The following CORO2B variants were observed in gnomAD, a reference collection of about 807,000 sequenced individuals.
CORO2B encodes the protein coronin-2B.
Under a neutral mutation model 58.8 loss-of-function variants are expected in CORO2B, and 26 were observed. The observed-to-expected ratio is 0.44, with a 90% CI of 0.32 to 0.61. The LOEUF is 0.61. CORO2B is among the 20% of genes least tolerant of loss of function. The pLI is 0.04. For synonymous variants in CORO2B, 242 were observed against 253.8 expected (o/e 0.95, Z 0.44); for missense variants, 460 against 645.1 (o/e 0.71, Z 3.11).
rs1892897642 is a variant in CORO2B, at chr15:68,710,818, G to GAGT, written c.420_421insAGT (p.Val140_Gly141insSer). On this transcript the variant is annotated inframe_insertion, in exon 4 of 12. Transcript: ENST00000261861. This position sits in a 1 kb window ranked among gnomAD's most constrained non-coding sequence, Gnocchi z 4.1. ...AGCTGCACGGGCACAGCCGGCGTGTGGGGCTGGTCGAGTGGCACCCCACCA... is the reference window on the plus strand; with the variant it reads ...AGCTGCACGGGCACAGCCGGCGTGTGAGTGGGCTGGTCGAGTGGCACCCCACCA... 3 of 1,611,700 alleles carry GAGT rather than the reference G, an allele frequency of 1.9e-6. No homozygotes were observed. The highest frequency in any genetic ancestry group is 3.4e-5 in the Admixed American group (2 of 59,686).
At chr15:68,639,427 G>A (rs1901136680) in intron 1 of CORO2B, among the ~76,000 whole-genome samples, 1 of 152,212 alleles carries the variant, frequency 6.6e-6, no homozygotes. Flanking sequence ...ACCCTAAAAG[G>A]AGGTGGCTAT....
chr15:68,565,387 A>T, the CORO2B span, among the ~76,000 whole-genome samples: 1 of 150,810 alleles, frequency 6.6e-6, no homozygotes, highest in Admixed American at 6.6e-5. Context: ...TCAAGTGCAT[A>T]TATATATATA....
At chr15:68,698,136 A>C (rs1282444268) in intron 3 of CORO2B, among the ~76,000 whole-genome samples, 1 of 152,200 alleles carries the variant, frequency 6.6e-6, no homozygotes, top group African/African-American at 2.4e-5. Flanking sequence ...GAGGGTTGGT[A>C]GGTAGGTCAC....
At chr15:68,696,613 C>T (rs1892519538) in intron 3 of CORO2B, among the ~76,000 whole-genome samples, 1 of 151,286 alleles carries the variant, frequency 6.6e-6, no homozygotes, top group African/African-American at 2.4e-5. Flanking sequence ...GTGTTCTGGC[C>T]ACTCCTTCCT....
intron 2 of CORO2B, among the ~76,000 whole-genome samples, chr15:68,681,105 C>G (rs148326471): frequency 2.0e-5 from 3 of 149,844 alleles, no homozygotes; most frequent in African/African-American, 7.3e-5. Context: ...CCCAGCTACT[C>G]GCGAACCTGA....
chr15:68,693,130 T>C lies in CORO2B; in HGVS notation c.217-2010T>C, dbSNP rs74020277. Among the ~76,000 whole-genome samples, 1,336 of 152,328 alleles carry C rather than the reference T, an allele frequency of 8.8e-3. 22 individuals are homozygous for C. Among genetic ancestry groups the C allele is most frequent in the African/African-American group, 0.031 (1,280 of 41,558 alleles). ...CCTGGGTCCAGCCTCTGAGGCTTTTTTCCCCCTCTCTTTCTCTGCCTCATT... is the reference window on the plus strand; with the variant it reads ...CCTGGGTCCAGCCTCTGAGGCTTTTCTCCCCCTCTCTTTCTCTGCCTCATT... On this transcript the variant is annotated intron_variant, in intron 2 of 11. Coordinates refer to ENST00000261861, the MANE Select transcript of CORO2B (RefSeq NM_006091.5).
the CORO2B span, among the ~76,000 whole-genome samples, chr15:68,560,952 A>G: frequency 2.6e-5 from 4 of 152,046 alleles, no homozygotes; most frequent in Non-Finnish European, 5.9e-5. Context: ...AGCCCGGGTA[A>G]TTTTCCCTAG....
At chr15:68,658,936 C>T (rs8026194) in intron 2 of CORO2B, among the ~76,000 whole-genome samples, 82,728 of 152,188 alleles carry the variant, frequency 0.54, 22,734 homozygotes, top group Middle Eastern at 0.65. Context: ...CTCTCCTACA[C>T]GCCTTTGCCC....
At chr15:68,538,838 G>T in the CORO2B span, among the ~76,000 whole-genome samples, 1 of 152,150 alleles carries the variant, frequency 6.6e-6, no homozygotes, top group African/African-American at 2.4e-5. Context: ...GTAGCCTGTA[G>T]GTTCTCATGG....
At chr15:68,681,401 GC>G (rs5813506) in intron 2 of CORO2B, among the ~76,000 whole-genome samples, 27,188 of 151,876 alleles carry the variant, frequency 0.18, 3,010 homozygotes, top group Non-Finnish European at 0.24. Flanking sequence ...CCAGTGAGGA[GC>G]CCCCTGATTT....
intron 2 of CORO2B, among the ~76,000 whole-genome samples, chr15:68,662,381 T>C (rs1902045272): frequency 6.6e-6 from 1 of 152,260 alleles, no homozygotes; most frequent in Non-Finnish European, 1.5e-5. Context: ...GTGCAGGGTT[T>C]TCATGCCTGC....
At chr15:68,601,294 C>T (rs1460633740) in intron 1 of CORO2B, among the ~76,000 whole-genome samples, 1 of 152,304 alleles carries the variant, frequency 6.6e-6, no homozygotes, top group Non-Finnish European at 1.5e-5. Context: ...GGCTCCAGGG[C>T]GGCAGGCGGG....
At chr15:68,650,356 TAAAAAAAA>T (rs532431600) in intron 2 of CORO2B, among the ~76,000 whole-genome samples, 1 of 86,080 alleles carries the variant, frequency 1.2e-5, no homozygotes, top group African/African-American at 4.4e-5. Flanking sequence ...AAACTCTGTC[TAAAAAAAA>T]AAAAAAAAAA....
chr15:68,708,988 TC>T (rs1892848690), intron 3 of CORO2B, among the ~76,000 whole-genome samples: 1 of 152,248 alleles, frequency 6.6e-6, no homozygotes, highest in Non-Finnish European at 1.5e-5. Flanking sequence ...GACTTGACTT[TC>T]TTTAACATGC....
Position 68,719,393 on chromosome 15 carries a change from G to T in CORO2B, c.1172-20G>T, listed in dbSNP as rs764354183. The T allele has an allele frequency of 6.2e-7, 1 of 1,612,358 alleles. No individual in the cohort carries two copies. Among genetic ancestry groups the T allele is most frequent in the South Asian group, 1.1e-5 (1 of 90,858 alleles). On this transcript the variant is annotated intron_variant, in intron 10 of 11. Transcript: ENST00000261861. ...AGTCCATGGGATCGTCAGTGAGAGC[G>T]TTTCCCTTGCCTTCTTTAGATCCCG...
intron 1 of CORO2B, among the ~76,000 whole-genome samples, chr15:68,628,725 C>T (rs1900748413): frequency 6.6e-6 from 1 of 152,200 alleles, no homozygotes; most frequent in Non-Finnish European, 1.5e-5. Flanking sequence ...GATCCACTTG[C>T]TCATGACAGA....
intron 3 of CORO2B, among the ~76,000 whole-genome samples, chr15:68,703,522 T>C (rs1488370309): frequency 1.3e-5 from 2 of 152,158 alleles, no homozygotes; most frequent in African/African-American, 2.4e-5. Flanking sequence ...TTTTTTGAAG[T>C]AGCTACTAAG....
chr15:68,651,317 T>C (rs1444328543), intron 2 of CORO2B, among the ~76,000 whole-genome samples: 2 of 152,200 alleles, frequency 1.3e-5, no homozygotes, highest in Non-Finnish European at 2.9e-5. Flanking sequence ...TCTAGGTTGG[T>C]GCAGGGGGTG....
At chr15:68,536,623 A>C in the CORO2B span, among the ~76,000 whole-genome samples, 1 of 152,222 alleles carries the variant, frequency 6.6e-6, no homozygotes, top group East Asian at 1.9e-4. Flanking sequence ...AAGACCACTG[A>C]TAGTGTTTTA....
Sources: allele counts gnomAD v4.1 joint callset (sites outside exome capture counted in the v4.1 genomes callset), GRCh38; gene constraint gnomAD v4.1.1; non-coding constraint Gnocchi (gnomAD v3.1); transcripts MANE v1.5; gene names NCBI Gene and HGNC (gene_info 2026-07-23, HGNC 2026-07-21).